NEDD4L: variants seen among roughly 807,000 people sequenced by gnomAD.
NEDD4L encodes the protein E3 ubiquitin-protein ligase NEDD4-like.
Under a neutral mutation model 148.9 loss-of-function variants are expected in NEDD4L, and 54 were observed. That is an observed-to-expected ratio of 0.36 (90% CI 0.29 to 0.45). The LOEUF (loss-of-function observed/expected upper bound fraction) is 0.45, where lower values mean the gene tolerates loss of function less well. Ranked by LOEUF, NEDD4L falls within the 20% of genes least tolerant of loss-of-function variation. NEDD4L has a pLI of 1.00. For synonymous variants in NEDD4L, 433 were observed against 440.7 expected, an observed-to-expected ratio of 0.98 and a Z score of 0.22; for missense variants, 856 against 1,233.8, an observed-to-expected ratio of 0.69 and a Z score of 4.59.
intron 1 of NEDD4L, among the ~76,000 whole-genome samples, chr18:58,106,486 T>G (rs2085076869): frequency 6.6e-6 from 1 of 152,126 alleles, no homozygotes; most frequent in African/African-American, 2.4e-5. Flanking sequence ...AGGGAGACCC[T>G]GCAGTGGTCA....
chr18:58,163,144 C>T (rs1356204843), intron 1 of NEDD4L, among the ~76,000 whole-genome samples: 2 of 152,126 alleles, frequency 1.3e-5, no homozygotes, highest in African/African-American at 2.4e-5. Flanking sequence ...CAGGCTTGAT[C>T]GTAGCGCACT....
chr18:58,365,419 G>A (rs1376788580), intron 20 of NEDD4L, among the ~76,000 whole-genome samples: 2 of 152,196 alleles, frequency 1.3e-5, no homozygotes, highest in South Asian at 2.1e-4. Context: ...CTTTGCAGGA[G>A]GCAGTTGCCA....
chr18:58,224,164 C>T (rs1338370936), intron 2 of NEDD4L, among the ~76,000 whole-genome samples: 1 of 152,230 alleles, frequency 6.6e-6, no homozygotes, highest in East Asian at 1.9e-4. Flanking sequence ...TTGTTCACTT[C>T]ACGATTACTC....
intron 2 of NEDD4L, among the ~76,000 whole-genome samples, chr18:58,179,403 A>G: frequency 6.6e-6 from 1 of 152,162 alleles, no homozygotes; most frequent in East Asian, 1.9e-4. Flanking sequence ...CATCCAAGCT[A>G]GGGACCAAAG....
chr18:58,270,946 T>C (rs1432061505), intron 5 of NEDD4L, among the ~76,000 whole-genome samples: 4 of 152,162 alleles, frequency 2.6e-5, no homozygotes, highest in Non-Finnish European at 5.9e-5. Context: ...ATATCTCTGC[T>C]GATTTTACTC....
At chr18:58,202,291 G>A (rs2041500605) in intron 2 of NEDD4L, among the ~76,000 whole-genome samples, 1 of 152,200 alleles carries the variant, frequency 6.6e-6, no homozygotes, top group Non-Finnish European at 1.5e-5. Context: ...TTCCCTGCCT[G>A]GCAGGTGATA....
intron 1 of NEDD4L, among the ~76,000 whole-genome samples, chr18:58,115,060 G>C (rs1396457920): frequency 6.6e-6 from 1 of 152,126 alleles, no homozygotes; most frequent in African/African-American, 2.4e-5. Flanking sequence ...CACAGGTTCT[G>C]GGGATTAGGA....
At chr18:58,391,741 A>G (rs2049862078) in intron 30 of NEDD4L, among the ~76,000 whole-genome samples, 182 bp downstream of exon 30, 1 of 152,240 alleles carries the variant, frequency 6.6e-6, no homozygotes, top group Non-Finnish European at 1.5e-5. Context: ...TAATGCACTC[A>G]GTATGTTTGG....
intron 2 of NEDD4L, among the ~76,000 whole-genome samples, chr18:58,176,229 C>T (rs2038126870): frequency 6.6e-6 from 1 of 152,148 alleles, no homozygotes; most frequent in African/African-American, 2.4e-5. Context: ...CCCTCTTCCT[C>T]TCTGTCCCTG....
At chr18:58,051,873 G>T (rs2144510134) in intron 1 of NEDD4L, among the ~76,000 whole-genome samples, 1 of 152,264 alleles carries the variant, frequency 6.6e-6, no homozygotes, top group East Asian at 1.9e-4. Flanking sequence ...AAAGAAGGGT[G>T]GAAGAAGTGT....
chr18:58,295,934 G>T (rs1423196775), intron 5 of NEDD4L, among the ~76,000 whole-genome samples: 1 of 152,170 alleles, frequency 6.6e-6, no homozygotes, highest in Non-Finnish European at 1.5e-5. Flanking sequence ...GTTTGGTTTG[G>T]TGAGTGAAAC....
At chr18:58,132,726 G>A (rs529322066) in intron 1 of NEDD4L, among the ~76,000 whole-genome samples, 1 of 152,350 alleles carries the variant, frequency 6.6e-6, no homozygotes, top group Admixed American at 6.5e-5. Context: ...ACCTGCTGAG[G>A]ACTTTGAACT....
At chr18:58,377,432 G>A (rs1308590083) in intron 24 of NEDD4L, among the ~76,000 whole-genome samples, 2 of 152,126 alleles carry the variant, frequency 1.3e-5, no homozygotes, top group Admixed American at 6.5e-5. Flanking sequence ...ATCAGACCAT[G>A]AAGTTTGGTA....
chr18:58,251,117 A>G (rs2047874932), intron 4 of NEDD4L, among the ~76,000 whole-genome samples: 1 of 152,140 alleles, frequency 6.6e-6, no homozygotes, highest in Non-Finnish European at 1.5e-5. Context: ...ACTGAACCTC[A>G]GGGTCTCGGC....
chr18:58,092,181 T>G (rs762947765), intron 1 of NEDD4L, among the ~76,000 whole-genome samples: 2 of 152,244 alleles, frequency 1.3e-5, no homozygotes, highest in Non-Finnish European at 2.9e-5. Flanking sequence ...GCATCCTCCC[T>G]TCGGGGGAGG....
intron 2 of NEDD4L, among the ~76,000 whole-genome samples, chr18:58,208,065 A>T (rs529340564): frequency 6.6e-6 from 1 of 152,058 alleles, no homozygotes; most frequent in Non-Finnish European, 1.5e-5. Context: ...AACAACAACA[A>T]AGAGCAGAGT....
intron 1 of NEDD4L, among the ~76,000 whole-genome samples, chr18:58,150,604 A>T (rs1472691781): frequency 6.6e-6 from 1 of 152,186 alleles, no homozygotes; most frequent in Non-Finnish European, 1.5e-5. Flanking sequence ...AAGCACTCTG[A>T]TTTGGACTGA....
chr18:58,049,798 G>A (rs1357296686), intron 1 of NEDD4L, among the ~76,000 whole-genome samples: 1 of 152,002 alleles, frequency 6.6e-6, no homozygotes, highest in East Asian at 1.9e-4. Context: ...GCAACGTGGT[G>A]AAACCCCGTC....
At chr18:58,280,020 T>C (rs575345372) in intron 5 of NEDD4L, among the ~76,000 whole-genome samples, 2 of 152,174 alleles carry the variant, frequency 1.3e-5, no homozygotes, top group Non-Finnish European at 2.9e-5. Context: ...CCATCTAGTT[T>C]ATAAGCCACA....
Sources: gnomAD v4.1 joint callset for allele counts (sites outside exome capture counted in the v4.1 genomes callset) on GRCh38, gnomAD v4.1.1 for gene constraint, MANE v1.5 for transcripts, NCBI Gene and HGNC (gene_info 2026-07-23, HGNC 2026-07-21) for gene names.